TAFA4: variants seen among roughly 807,000 people sequenced by gnomAD.
The protein encoded by TAFA4 is chemokine-like protein TAFA-4.
In TAFA4, 20 loss-of-function variants were observed where a neutral mutation model predicts 21.1. That is an observed-to-expected ratio of 0.95 (90% confidence interval 0.67 to 1.38). TAFA4 has a LOEUF of 1.38. TAFA4 is among the 40% of genes most tolerant of loss of function. The pLI is 0.00. For synonymous variants in TAFA4, 71 were observed against 67.4 expected, an observed-to-expected ratio of 1.05 and a Z score of -0.26; for missense variants, 211 against 180.9, an observed-to-expected ratio of 1.17 and a Z score of -0.95.
intron 3 of TAFA4, among the ~76,000 whole-genome samples, chr3:68,818,354 T>C (rs1478691177): frequency 6.6e-6 from 1 of 152,210 alleles, no homozygotes. Context: ...TTAAACTTTC[T>C]CCATATCTTC....
In TAFA4 at chr3:68,752,894, G is replaced by A; in HGVS notation, c.255C>T (p.Gly85=). 1.2e-6 allele frequency: 2 copies of A among 1,614,066 alleles called. No homozygotes were observed. Among genetic ancestry groups the A allele is most frequent in the Non-Finnish European group, 1.7e-6 (2 of 1,180,026 alleles). ...CACAAGAAGGTTGAGCCCGAGTTGT[G>A]CCCGCCACCTGTCCCGGGAAGCAAG... The part of the protein sequence containing the change: ...KCSCFPGQVA[G]TTRAQPSCVE... Residue 85 remains glycine, a synonymous_variant, in exon 4 of 6, where the codon GGC becomes GGT. Transcript: ENST00000295569.
intron 3 of TAFA4, among the ~76,000 whole-genome samples, chr3:68,861,958 G>T (rs2089351307): frequency 6.6e-6 from 1 of 151,932 alleles, no homozygotes; most frequent in African/African-American, 2.4e-5. Context: ...GCAAGCTCCA[G>T]GTCCCCACAC....
Position 68,732,251 on chromosome 3 carries a change from C to T in TAFA4, c.*891G>A, listed in dbSNP as rs1396713365. On this transcript the variant is annotated 3_prime_UTR_variant, in exon 6 of 6. Coordinates refer to ENST00000295569, the MANE Select transcript of TAFA4 (RefSeq NM_182522.5). ...TCATTTACAGTCTAAAAATTCAGCA[C>T]TGAAAGACTCCTGTCTCGGAGTTAA... 2 of 152,450 alleles carry T rather than the reference C, an allele frequency of 1.3e-5. No homozygotes were observed. The highest frequency in any genetic ancestry group is 2.9e-5 in the Non-Finnish European group (2 of 67,992). The allele number at this position is 152,450 out of a possible 1,614,324, so 9.4% of individuals were successfully genotyped here.
intron 2 of TAFA4, among the ~76,000 whole-genome samples, chr3:68,883,488 C>T (rs1448496117): frequency 6.6e-6 from 1 of 152,156 alleles, no homozygotes; most frequent in Non-Finnish European, 1.5e-5. Context: ...TCATCTATGC[C>T]TTACAGGTGT....
chr3:68,851,131 G>A (rs1704938248), intron 3 of TAFA4, among the ~76,000 whole-genome samples: 1 of 152,112 alleles, frequency 6.6e-6, no homozygotes, highest in Non-Finnish European at 1.5e-5. Context: ...AGAAAATGTG[G>A]TATATATACA....
intron 3 of TAFA4, among the ~76,000 whole-genome samples, chr3:68,779,847 AT>A: frequency 6.6e-6 from 1 of 152,258 alleles, no homozygotes; most frequent in East Asian, 1.9e-4. Context: ...TAGTGGAGCT[AT>A]GAGAAGAGGA....
chr3:68,852,105 T>C lies in TAFA4; in HGVS notation c.130+28625A>G, dbSNP rs114361414. ...TGAAGTCTTAACAACTGATACGTGA[T>C]GAAGATGAGAAGAAATGAAGAGTCC... On this transcript the variant is annotated intron_variant, in intron 3 of 5. Transcript: ENST00000295569. 1.3e-3 allele frequency among the ~76,000 whole-genome samples: 198 copies of C among 152,194 alleles called. 2 individuals are homozygous for C. Among genetic ancestry groups the C allele is most frequent in the African/African-American group, 4.7e-3 (195 of 41,534 alleles).
At chr3:68,857,740 C>T (rs1224902378) in intron 3 of TAFA4, among the ~76,000 whole-genome samples, 3 of 150,152 alleles carry the variant, frequency 2.0e-5, no homozygotes, top group Non-Finnish European at 4.4e-5. Flanking sequence ...CTGTTCCGAC[C>T]AATGAATGTA....
At chr3:68,900,093 A>C (rs2089829332) in intron 1 of TAFA4, among the ~76,000 whole-genome samples, 1 of 150,658 alleles carries the variant, frequency 6.6e-6, no homozygotes, top group African/African-American at 2.4e-5. Context: ...AAAAAAAAAA[A>C]AAAACACAAA....
intron 4 of TAFA4, among the ~76,000 whole-genome samples, chr3:68,747,245 TTC>T (rs138372647): frequency 1.2e-4 from 18 of 151,152 alleles, no homozygotes; most frequent in African/African-American, 3.1e-4. Context: ...CTTGTGAGTT[TTC>T]TCTCTCTCTC....
At chr3:68,880,635 A>C (rs2089605369) in intron 3 of TAFA4, 95 bp downstream of exon 3, 2 of 967,316 alleles carry the variant, frequency 2.1e-6, no homozygotes, top group African/African-American at 1.6e-5. Context: ...ACACCATCAG[A>C]AGCTCACATC....
intron 3 of TAFA4, among the ~76,000 whole-genome samples, chr3:68,829,709 A>G (rs1177532261): frequency 6.6e-6 from 1 of 152,190 alleles, no homozygotes; most frequent in East Asian, 1.9e-4. Context: ...TCAAAAAATT[A>G]GTTAGGGAGG....
At chr3:68,746,764 T>C (rs749699809) in intron 4 of TAFA4, among the ~76,000 whole-genome samples, 9 of 152,200 alleles carry the variant, frequency 5.9e-5, no homozygotes, top group Non-Finnish European at 7.4e-5. Context: ...TGAGTACACA[T>C]ACACTGATCT....
intron 3 of TAFA4, among the ~76,000 whole-genome samples, chr3:68,856,034 T>C (rs561281653): frequency 1.7e-3 from 253 of 152,240 alleles, no homozygotes; most frequent in Non-Finnish European, 3.3e-3. Flanking sequence ...GAAAAGAAGA[T>C]TGAGTGTGGA....
intron 1 of TAFA4, among the ~76,000 whole-genome samples, chr3:68,889,149 T>C (rs1420929039): frequency 1.3e-5 from 2 of 152,178 alleles, no homozygotes; most frequent in Non-Finnish European, 2.9e-5. Context: ...ACTAAGAGAA[T>C]TTTTTTAGAA....
intron 4 of TAFA4, among the ~76,000 whole-genome samples, chr3:68,741,391 G>T (rs1370382961): frequency 6.6e-6 from 1 of 152,046 alleles, no homozygotes; most frequent in African/African-American, 2.4e-5. Context: ...ATAAAAATAG[G>T]ATTGCTTCCT....
chr3:68,806,854 G>C (rs1332183087), intron 3 of TAFA4, among the ~76,000 whole-genome samples: 1 of 152,126 alleles, frequency 6.6e-6, no homozygotes, highest in Admixed American at 6.6e-5. Flanking sequence ...TTGGCTTCCA[G>C]GCTCCAGAAC....
intron 1 of TAFA4, among the ~76,000 whole-genome samples, chr3:68,928,986 TAA>T (rs5849870): frequency 1.4e-5 from 2 of 147,304 alleles, no homozygotes; most frequent in Admixed American, 1.3e-4. Flanking sequence ...TAAGTTTATT[TAA>T]AAAAAAAAAA....
intron 5 of TAFA4, among the ~76,000 whole-genome samples, chr3:68,735,306 A>G (rs1702218139): frequency 6.6e-6 from 1 of 152,116 alleles, no homozygotes; most frequent in African/African-American, 2.4e-5. Flanking sequence ...ATCAGTTTCC[A>G]ATGGGGATCC....
Sources: allele counts gnomAD v4.1 joint callset (sites outside exome capture counted in the v4.1 genomes callset), GRCh38; gene constraint gnomAD v4.1.1; transcripts MANE v1.5; gene names NCBI Gene and HGNC (gene_info 2026-07-23, HGNC 2026-07-21).